OTULINL: variants seen among roughly 807,000 people sequenced by gnomAD.
The protein encoded by OTULINL is OTU deubiquitinase with linear linkage specificity like.
OTULINL carries 42 observed loss-of-function variants against 43.9 expected under a neutral mutation model. The observed-to-expected ratio is 0.96, with a 90% CI of 0.75 to 1.24. The LOEUF (loss-of-function observed/expected upper bound fraction) is 1.24, where lower values mean the gene tolerates loss of function less well. Ranked by LOEUF, OTULINL falls within the 50% of genes most tolerant of loss-of-function variation. OTULINL has a pLI of 0.00. For synonymous variants in OTULINL, 172 were observed against 153.6 expected, an observed-to-expected ratio of 1.12 and a Z score of -0.88; for missense variants, 411 against 426.4, an observed-to-expected ratio of 0.96 and a Z score of 0.32.
chr5:14,601,520 T>C, intron 4 of OTULINL, 78 bp downstream of exon 4: 1 of 1,305,854 alleles, frequency 7.7e-7, no homozygotes, highest in Non-Finnish European at 1.1e-6. Context: ...CCTTCTGCTT[T>C]ACTAAATCCA....
At chr5:14,609,602 C>G (rs1009656038) in intron 7 of OTULINL, among the ~76,000 whole-genome samples, 2 of 146,952 alleles carry the variant, frequency 1.4e-5, no homozygotes, top group Admixed American at 1.4e-4. Context: ...TAATTTTTTT[C>G]AAGTAGCTTT....
chr5:14,601,469 A>G, intron 4 of OTULINL, 27 bp downstream of exon 4: 1 of 1,573,618 alleles, frequency 6.4e-7, no homozygotes, highest in Non-Finnish European at 8.7e-7. Flanking sequence ...AGGGTATGGG[A>G]GAAATAGAGT....
chr5:14,583,510 A>T (rs763004287), intron 1 of OTULINL, among the ~76,000 whole-genome samples: 67 of 152,344 alleles, frequency 4.4e-4, no homozygotes, highest in Middle Eastern at 3.4e-3. Context: ...TTTAGGAGGC[A>T]GAAAGGTGCC....
rs756491256 is a variant in OTULINL, at chr5:14,607,314, C to T, written c.499-16C>T. 10 of 1,612,864 alleles carry T rather than the reference C, an allele frequency of 6.2e-6. No homozygotes were observed. Among genetic ancestry groups the T allele is most frequent in the African/African-American group, 2.7e-5 (2 of 74,934 alleles). ...TTCATATGCTAATCATAGTTGGCAT[C>T]TACTTCCTTTTCAAGCTTCCTGAAA... On this transcript the variant is annotated splice_polypyrimidine_tract_variant and intron_variant, in intron 5 of 7. Transcript: ENST00000274217.
Position 14,585,016 on chromosome 5 carries a change from G to A in OTULINL, c.64+3058G>A, listed in dbSNP as rs551442203. Among the ~76,000 whole-genome samples, 16 of 152,276 alleles carry A rather than the reference G, an allele frequency of 1.1e-4. No homozygotes were observed. The South Asian group carries it at 2.3e-3, about 22-fold the overall frequency. On this transcript the variant is annotated intron_variant, in intron 1 of 7. Coordinates refer to ENST00000274217, the MANE Select transcript of OTULINL (RefSeq NM_019018.3). ...TGATTGGTCGGGTGGCAAAAGGAGC[G>A]ATGAGAAGTGTGGGCGCAAACATTC...
At chr5:14,588,359 C>T (rs1285144201) in intron 1 of OTULINL, among the ~76,000 whole-genome samples, 2 of 152,124 alleles carry the variant, frequency 1.3e-5, no homozygotes, top group Admixed American at 6.5e-5. Context: ...TGTCTAGGAC[C>T]GGACCCTGAG....
intron 1 of OTULINL, among the ~76,000 whole-genome samples, chr5:14,582,998 A>G (rs1024969926): frequency 4.6e-5 from 7 of 152,002 alleles, no homozygotes; most frequent in East Asian, 1.9e-4. Context: ...TCCTGTGTCT[A>G]TATTTGTCTG....
At chr5:14,582,627 A>G (rs1422851800) in intron 1 of OTULINL, among the ~76,000 whole-genome samples, 2 of 152,008 alleles carry the variant, frequency 1.3e-5, no homozygotes, top group Non-Finnish European at 2.9e-5. Flanking sequence ...AACCCTGGCC[A>G]GCATAGTGAA....
At chr5:14,581,993 C>T in intron 1 of OTULINL, 35 bp downstream of exon 1, 1 of 1,235,502 alleles carries the variant, frequency 8.1e-7, no homozygotes, top group Non-Finnish European at 1.0e-6. Context: ...GGGCGGGGGG[C>T]GCGAGCAGGG....
chr5:14,601,396 C>A lies in OTULINL; in HGVS notation c.302C>A (p.Ala101Glu), dbSNP rs1759386583. 7.4e-6 allele frequency: 12 copies of A among 1,613,894 alleles called. No homozygotes were observed. The highest frequency in any genetic ancestry group is 1.0e-5 in the Non-Finnish European group (12 of 1,180,024). ...EAEVDLLSYC[A>E]REWKGETPRN... ...GAGGTTGATTTACTCAGTTATTGTG[C>A]AAGAGAATGGAAAGGAGAGACACCC... The change falls in exon 4 of 8, where the codon GCA becomes GAA. Residue 101 changes from alanine (A) to glutamate (E), a missense_variant. By Grantham distance (107) the Ala-to-Glu change is moderately radical. Transcript: ENST00000274217.
rs75437750 is a variant in OTULINL at position 14,608,930 on chromosome 5, C to T, written c.810C>T (p.Leu270=). 5.3e-5 allele frequency: 86 copies of T among 1,614,112 alleles called. No homozygotes were observed. In the African/African-American group the frequency reaches 7.7e-4, roughly 15 times the overall value. ...TKKVIPSLFR[L]LFSRETSSDP... ...AGGTCATTCCCAGTCTTTTTAGACTCCTGTTTTCCAGGGAGACATCCTCTG... is the reference window on the plus strand; with the variant it reads ...AGGTCATTCCCAGTCTTTTTAGACTTCTGTTTTCCAGGGAGACATCCTCTG... The change falls in exon 7 of 8, where the codon CTC becomes CTT. Residue 270 remains leucine (L), a synonymous_variant. Coordinates refer to ENST00000274217, the MANE Select transcript of OTULINL (RefSeq NM_019018.3).
intron 1 of OTULINL, among the ~76,000 whole-genome samples, chr5:14,585,208 C>T (rs1367246943): frequency 6.6e-6 from 1 of 150,660 alleles, no homozygotes; most frequent in Non-Finnish European, 1.5e-5. Flanking sequence ...TTACAACTAG[C>T]AGCTGCTAGT....
chr5:14,585,113 T>C (rs1190417011), intron 1 of OTULINL, among the ~76,000 whole-genome samples: 1 of 152,126 alleles, frequency 6.6e-6, no homozygotes, highest in Admixed American at 6.5e-5. Flanking sequence ...TCAAGGTCTT[T>C]ACTCTCTAGG....
At chr5:14,594,899 C>T (rs1394124936) in intron 1 of OTULINL, among the ~76,000 whole-genome samples, 1 of 151,988 alleles carries the variant, frequency 6.6e-6, no homozygotes, top group African/African-American at 2.4e-5. Flanking sequence ...TCCTTTCTCA[C>T]CCCTCCCTTG....
chr5:14,583,045 C>T (rs1208063062), intron 1 of OTULINL, among the ~76,000 whole-genome samples: 1 of 152,122 alleles, frequency 6.6e-6, no homozygotes, highest in Non-Finnish European at 1.5e-5. Flanking sequence ...TTCCGTTTCC[C>T]AAACACACAG....
rs1184439622 is a variant in OTULINL, at chr5:14,615,268, G to A, written c.*4954G>A. Among the ~76,000 whole-genome samples, 1 of 152,138 alleles carries A rather than the reference G, an allele frequency of 6.6e-6. No homozygotes were observed. Among genetic ancestry groups the A allele is most frequent in the Admixed American group, 6.5e-5 (1 of 15,282 alleles). On this transcript the variant is annotated 3_prime_UTR_variant, in exon 8 of 8. Coordinates refer to ENST00000274217, the MANE Select transcript of OTULINL (RefSeq NM_019018.3). Reference sequence around the variant, plus strand: ...CACTCCTGGCCCATTTCTTGTCATCGCTGCCATCCCCAAAGACAGACTCTG... The same window carrying A: ...CACTCCTGGCCCATTTCTTGTCATCACTGCCATCCCCAAAGACAGACTCTG...
intron 1 of OTULINL, among the ~76,000 whole-genome samples, chr5:14,586,756 G>T (rs1277563043): frequency 6.6e-6 from 1 of 152,090 alleles, no homozygotes; most frequent in Non-Finnish European, 1.5e-5. Flanking sequence ...GGTTGTTAAT[G>T]AATATTAGGG....
chr5:14,605,099 A>G lies in OTULINL; in HGVS notation c.499-2231A>G, dbSNP rs182693932. ...CCATGAGTGCCCTTCCCCTGCAGCA[A>G]ACTTCTGCCTGGACATCAAGGCATT... On this transcript the variant is annotated intron_variant, in intron 5 of 7. Transcript: ENST00000274217. Among the ~76,000 whole-genome samples the G allele has an allele frequency of 2.5e-3, 380 of 152,294 alleles. 1 individual carries two copies. Among genetic ancestry groups the G allele is most frequent in the African/African-American group, 8.6e-3 (357 of 41,544 alleles).
At chr5:14,584,744 ACCT>A (rs1403915383) in intron 1 of OTULINL, among the ~76,000 whole-genome samples, 1 of 152,074 alleles carries the variant, frequency 6.6e-6, no homozygotes, top group Non-Finnish European at 1.5e-5. Flanking sequence ...AAGGTTACCC[ACCT>A]CCTATGTAGA....
Sources: allele counts gnomAD v4.1 joint callset (sites outside exome capture counted in the v4.1 genomes callset), GRCh38; gene constraint gnomAD v4.1.1; transcripts MANE v1.5; gene names NCBI Gene and HGNC (gene_info 2026-07-23, HGNC 2026-07-21).